Variants in ADGRL3 observed in about 807,000 individuals in gnomAD.
ADGRL3 encodes adhesion G protein-coupled receptor L3.
ADGRL3 carries 62 observed loss-of-function variants against 153.5 expected under a neutral mutation model. The observed-to-expected ratio is 0.40, with a 90% CI of 0.33 to 0.50. The LOEUF is 0.50. Ranked by LOEUF, ADGRL3 falls within the 20% of genes least tolerant of loss-of-function variation. The probability of loss-of-function intolerance (pLI) is 0.47; values close to 1 mark genes in which losing one functional copy is unlikely to be tolerated. For missense variants in ADGRL3, 1,641 were observed against 1,859.4 expected (o/e 0.88, Z 2.16); for synonymous variants, 710 against 672.5 (o/e 1.06, Z -0.86).
At chr4:61,365,152 C>A (rs996987115) in intron 1 of ADGRL3, among the ~76,000 whole-genome samples, 5 of 152,074 alleles carry the variant, frequency 3.3e-5, no homozygotes, top group African/African-American at 1.2e-4. Context: ...ACTGCCCAGA[C>A]ATCTCTTTAG....
intron 1 of ADGRL3, among the ~76,000 whole-genome samples, chr4:61,334,941 A>T (rs2095646992): frequency 1.3e-5 from 2 of 152,222 alleles, no homozygotes; most frequent in Non-Finnish European, 1.5e-5. Flanking sequence ...ACCAAAATTT[A>T]TGTTGTAGGT....
At chr4:61,637,575 C>A (rs2093478514) in intron 5 of ADGRL3, among the ~76,000 whole-genome samples, 1 of 152,068 alleles carries the variant, frequency 6.6e-6, no homozygotes, top group African/African-American at 2.4e-5. Flanking sequence ...ACCAGCCTGG[C>A]AAACATGGTG....
intron 13 of ADGRL3, chr4:61,934,071 A>G (rs2098828513): frequency 6.6e-6 from 1 of 152,202 alleles, no homozygotes; most frequent in Non-Finnish European, 1.5e-5. Context: ...CAGGAAATAT[A>G]TAAATTGTAA....
intron 4 of ADGRL3, among the ~76,000 whole-genome samples, chr4:61,542,446 C>G (rs2098694751): frequency 6.6e-6 from 1 of 152,126 alleles, no homozygotes; most frequent in African/African-American, 2.4e-5. Context: ...ATAATTAAGA[C>G]AGTACAGAAA....
intron 16 of ADGRL3, among the ~76,000 whole-genome samples, chr4:61,947,571 A>G (rs1316526204): frequency 6.6e-6 from 1 of 152,184 alleles, no homozygotes; most frequent in African/African-American, 2.4e-5. Flanking sequence ...TACTGTCTAC[A>G]TGTATTTCAT....
At chr4:62,058,690 A>G (rs1738411602) in intron 25 of ADGRL3, among the ~76,000 whole-genome samples, 1 of 152,128 alleles carries the variant, frequency 6.6e-6, no homozygotes, top group South Asian at 2.1e-4. Context: ...GGTAAGCCCA[A>G]CTTTTCAGCT....
chr4:61,724,120 T>A (rs1443616184), intron 6 of ADGRL3, among the ~76,000 whole-genome samples: 1 of 152,222 alleles, frequency 6.6e-6, no homozygotes, highest in Non-Finnish European at 1.5e-5. Flanking sequence ...CAATCTGAGG[T>A]AACTCTGCCT....
chr4:61,493,373 A>AGACATTT (rs2098277686), intron 2 of ADGRL3, among the ~76,000 whole-genome samples: 1 of 152,202 alleles, frequency 6.6e-6, no homozygotes, highest in Admixed American at 6.6e-5. Flanking sequence ...GTCCGAGTAG[A>AGACATTT]GATGGCTCTA....
chr4:61,245,741 A>G (rs573320163), intron 1 of ADGRL3, among the ~76,000 whole-genome samples: 9 of 152,198 alleles, frequency 5.9e-5, no homozygotes, highest in African/African-American at 1.2e-4. Flanking sequence ...ATGTCTTCCT[A>G]TTTATAATTA....
chr4:61,312,466 C>G (rs539599407), intron 1 of ADGRL3, among the ~76,000 whole-genome samples: 1 of 152,172 alleles, frequency 6.6e-6, no homozygotes, highest in South Asian at 2.1e-4. Context: ...AAAATCTAGT[C>G]ATATCTGGGA....
chr4:61,913,906 T>C (rs1010525393), intron 13 of ADGRL3, among the ~76,000 whole-genome samples: 1 of 152,008 alleles, frequency 6.6e-6, no homozygotes, highest in Non-Finnish European at 1.5e-5. Context: ...TATAATCATT[T>C]GCTTAATTCT....
chr4:61,844,546 C>CAAAAAAAA (rs71604517), intron 9 of ADGRL3, among the ~76,000 whole-genome samples: 11 of 17,546 alleles, frequency 6.3e-4, no homozygotes, highest in African/African-American at 1.6e-3. Flanking sequence ...GACTGCATCT[C>CAAAAAAAA]AAAAAAAAAA....
chr4:61,252,248 G>A (rs1759580461), intron 1 of ADGRL3, among the ~76,000 whole-genome samples: 1 of 152,030 alleles, frequency 6.6e-6, no homozygotes. Context: ...ATGCATATAA[G>A]TTCATTGTGT....
At chr4:61,499,796 G>C (rs148882850) in intron 3 of ADGRL3, among the ~76,000 whole-genome samples, 1 of 152,082 alleles carries the variant, frequency 6.6e-6, no homozygotes, top group Non-Finnish European at 1.5e-5. Flanking sequence ...AATTACCTTT[G>C]TTAGAGAAAA....
intron 2 of ADGRL3, among the ~76,000 whole-genome samples, chr4:61,473,783 T>C (rs905317518): frequency 2.0e-5 from 3 of 152,150 alleles, no homozygotes; most frequent in Admixed American, 2.0e-4. Context: ...TGTGGAATCT[T>C]AATCATTGGT....
In ADGRL3 at chr4:62,077,191, G is replaced by A. The variant is rs921285930; in HGVS notation, c.*6283G>A. 6 of 151,856 alleles carry A rather than the reference G, an allele frequency of 4.0e-5. No individual in the cohort carries two copies. The highest frequency in any genetic ancestry group is 8.8e-5 in the Non-Finnish European group (6 of 67,862). The allele number at this position is 151,856 out of a possible 1,614,324, so 9.4% of individuals were successfully genotyped here. ...CTAAAGGAAAGCGTTTGAAAGAAGA[G>A]GAAAGTAAAGCAGACTTCTAACTAT... On this transcript the variant is annotated 3_prime_UTR_variant, in exon 27 of 27. Transcript: ENST00000683033.
intron 1 of ADGRL3, among the ~76,000 whole-genome samples, chr4:61,369,905 G>T (rs1403607165): frequency 6.6e-6 from 1 of 152,062 alleles, no homozygotes; most frequent in African/African-American, 2.4e-5. Flanking sequence ...CACAATTTCA[G>T]ATCCTATTAT....
chr4:61,386,781 A>T (rs983229742), intron 2 of ADGRL3, among the ~76,000 whole-genome samples: 1 of 152,188 alleles, frequency 6.6e-6, no homozygotes, highest in Non-Finnish European at 1.5e-5. Flanking sequence ...ATTAGAATGG[A>T]TTATATAATA....
intron 15 of ADGRL3, among the ~76,000 whole-genome samples, chr4:61,937,936 A>G (rs1262197058): frequency 6.6e-6 from 1 of 152,100 alleles, no homozygotes; most frequent in Non-Finnish European, 1.5e-5. Flanking sequence ...GTTTTGTTTT[A>G]ATAGAGAAGA....
Sources: gnomAD v4.1 joint callset for allele counts (sites outside exome capture counted in the v4.1 genomes callset) on GRCh38, gnomAD v4.1.1 for gene constraint, MANE v1.5 for transcripts, NCBI Gene and HGNC (gene_info 2026-07-23, HGNC 2026-07-21) for gene names.